Variants in NHSL1 observed in about 807,000 individuals in gnomAD.
NHSL1 encodes NHS-like protein 1.
In NHSL1, 48 loss-of-function variants were observed where a neutral mutation model predicts 95.0. The ratio of observed to expected loss-of-function variants is 0.51; its 90% CI spans 0.40 to 0.64. The LOEUF (loss-of-function observed/expected upper bound fraction) is 0.64, where lower values mean the gene tolerates loss of function less well. Ranked by LOEUF, NHSL1 falls within the 30% of genes least tolerant of loss-of-function variation. The pLI is 0.00. For missense variants in NHSL1, 1,971 were observed against 2,077.7 expected (o/e 0.95, Z 1.00); for synonymous variants, 783 against 833.9 (o/e 0.94, Z 1.05).
chr6:138,569,943 T>C (rs578202169), intron 1 of NHSL1, among the ~76,000 whole-genome samples: 6 of 152,294 alleles, frequency 3.9e-5, no homozygotes, highest in East Asian at 3.9e-4. Flanking sequence ...ATGAAGCTAC[T>C]GTATCCCCTA....
chr6:138,495,512 T>C (rs1780297202), intron 2 of NHSL1, among the ~76,000 whole-genome samples: 1 of 152,184 alleles, frequency 6.6e-6, no homozygotes, highest in South Asian at 2.1e-4. Flanking sequence ...ACAAATTGGT[T>C]TTGAATACTT....
At chr6:138,526,239 T>C (rs1466374736) in intron 1 of NHSL1, among the ~76,000 whole-genome samples, 1 of 152,106 alleles carries the variant, frequency 6.6e-6, no homozygotes, top group Admixed American at 6.5e-5. Context: ...TCCCAGCACT[T>C]TGGGAGGCTG....
rs146902007 is a variant in NHSL1 at position 138,441,824 on chromosome 6, A to G, written c.664+159T>C. Among the ~76,000 whole-genome samples the G allele has an allele frequency of 4.6e-5, 7 of 152,330 alleles. No individual in the cohort carries two copies. In the East Asian group the frequency reaches 1.2e-3, roughly 25 times the overall value. The stretch of plus-strand genomic sequence containing the variant: ...AACTCTCTCTCTCCATGGGATGTTA[A>G]GATTTGCACCTAATGCCTCATTCAG... On this transcript the variant is annotated intron_variant, in intron 5 of 7. Transcript: ENST00000343505.
intron 2 of NHSL1, among the ~76,000 whole-genome samples, chr6:138,495,142 C>T (rs1238291791): frequency 6.6e-6 from 1 of 152,130 alleles, no homozygotes; most frequent in Non-Finnish European, 1.5e-5. Context: ...ACTCAGAAGG[C>T]TGAGGCAGGA....
intron 1 of NHSL1, among the ~76,000 whole-genome samples, chr6:138,681,807 G>C (rs1296102779): frequency 6.6e-6 from 1 of 152,034 alleles, no homozygotes; most frequent in African/African-American, 2.4e-5. Context: ...TTCACCATGT[G>C]TTATTGTAAT....
rs1775880245 is a variant in NHSL1, at chr6:138,433,756, G to C, written c.665-76C>G. Reference sequence around the variant, plus strand: ...TCATCACGTGTACCCTCACCCCTCTGACAGAATTTTAAAAAAATTTTTCTA... The same window carrying C: ...TCATCACGTGTACCCTCACCCCTCTCACAGAATTTTAAAAAAATTTTTCTA... On this transcript the variant is annotated intron_variant, in intron 5 of 7. Coordinates refer to ENST00000343505, the MANE Select transcript of NHSL1 (RefSeq NM_001144060.2). The C allele has an allele frequency of 8.7e-6, 12 of 1,378,100 alleles. No homozygotes were observed. The South Asian group carries it at 2.1e-4, about 24-fold the overall frequency. The allele number at this position is 1,378,100 out of a possible 1,614,324, so 85.4% of individuals were successfully genotyped here.
At chr6:138,677,308 TCTC>T (rs771738507) in intron 1 of NHSL1, among the ~76,000 whole-genome samples, 5 of 152,272 alleles carry the variant, frequency 3.3e-5, no homozygotes, top group South Asian at 4.2e-4. Context: ...CATAATCCTC[TCTC>T]CTCCAATTTT....
chr6:138,634,472 A>G (rs1784862528), intron 1 of NHSL1, among the ~76,000 whole-genome samples: 1 of 152,230 alleles, frequency 6.6e-6, no homozygotes, highest in Non-Finnish European at 1.5e-5. Flanking sequence ...GAAGGTCACC[A>G]TATAATGATA....
At chr6:138,638,405 G>A (rs1784916230) in intron 1 of NHSL1, among the ~76,000 whole-genome samples, 1 of 152,132 alleles carries the variant, frequency 6.6e-6, no homozygotes, top group Non-Finnish European at 1.5e-5. Flanking sequence ...TTTCTATGAT[G>A]TGATTATTAT....
intron 1 of NHSL1, among the ~76,000 whole-genome samples, chr6:138,651,950 T>C (rs1433220973): frequency 1.3e-5 from 2 of 152,214 alleles, no homozygotes; most frequent in Non-Finnish European, 2.9e-5. Context: ...GTATACTCAA[T>C]GTTAATACTG....
At chr6:138,690,694 T>C (rs982726632) in intron 1 of NHSL1, among the ~76,000 whole-genome samples, 1 of 152,106 alleles carries the variant, frequency 6.6e-6, no homozygotes, top group African/African-American at 2.4e-5. Flanking sequence ...TGAGCTGAGA[T>C]TGCACCACAG....
At chr6:138,439,690 T>C (rs1464580385) in intron 5 of NHSL1, among the ~76,000 whole-genome samples, 1 of 152,212 alleles carries the variant, frequency 6.6e-6, no homozygotes, top group Non-Finnish European at 1.5e-5. Context: ...TTAGATACGG[T>C]TGTCTCAGTT....
chr6:138,553,135 T>C (rs752151210), intron 1 of NHSL1, among the ~76,000 whole-genome samples: 10 of 152,210 alleles, frequency 6.6e-5, no homozygotes, highest in Non-Finnish European at 2.9e-5. Flanking sequence ...AAATTCCTCA[T>C]GTAGCAAATA....
At chr6:138,485,657 G>A (rs1429791244) in intron 2 of NHSL1, among the ~76,000 whole-genome samples, 1 of 152,052 alleles carries the variant, frequency 6.6e-6, no homozygotes, top group East Asian at 1.9e-4. Context: ...AAATTCAATA[G>A]GAGAAGTTAA....
chr6:138,431,927 C>A lies in NHSL1; in HGVS notation c.2418G>T (p.Val806=). Residue 806 remains valine (V), a synonymous_variant, in exon 6 of 8, where the codon GTG becomes GTT. Transcript: ENST00000343505. The surrounding 1 kb of genome is among the most constrained non-coding windows in gnomAD (Gnocchi z 4.0). ...GGCGGACTGGCCCGTTCCCAGTGGG[C>A]ACCCCACTGCTGGTTGAACAGCCCC... The part of the protein sequence containing the change: ...PAGGCSTSSG[V]PTGNGPVRHV... 6.4e-7 allele frequency: 1 copy of A among 1,551,680 alleles called. No homozygotes were observed. The highest frequency in any genetic ancestry group is 1.2e-5 in the South Asian group (1 of 84,064).
intron 1 of NHSL1, among the ~76,000 whole-genome samples, chr6:138,670,237 A>G (rs1562408205): frequency 6.6e-6 from 1 of 152,264 alleles, no homozygotes; most frequent in South Asian, 2.1e-4. Flanking sequence ...AGACCTTCCA[A>G]GCAGCCTTTG....
chr6:138,639,074 C>T (rs867358313), intron 1 of NHSL1, among the ~76,000 whole-genome samples: 1 of 152,164 alleles, frequency 6.6e-6, no homozygotes, highest in South Asian at 2.1e-4. Flanking sequence ...ATCAGAATTA[C>T]TTGATTTGTT....
chr6:138,671,281 AC>A (rs1285555195), intron 1 of NHSL1, among the ~76,000 whole-genome samples: 2 of 151,462 alleles, frequency 1.3e-5, no homozygotes, highest in African/African-American at 4.9e-5. Context: ...ACATGGTGAA[AC>A]CCCGTCTCTA....
chr6:138,468,485 A>G (rs969574000), intron 3 of NHSL1, among the ~76,000 whole-genome samples: 3 of 152,200 alleles, frequency 2.0e-5, no homozygotes, highest in Non-Finnish European at 4.4e-5. Flanking sequence ...GCCTCCTGTC[A>G]GATCAGCGGC....
Sources: gnomAD v4.1 joint callset for allele counts (sites outside exome capture counted in the v4.1 genomes callset) on GRCh38, gnomAD v4.1.1 for gene constraint, Gnocchi (gnomAD v3.1) non-coding constraint, MANE v1.5 for transcripts, NCBI Gene and HGNC (gene_info 2026-07-23, HGNC 2026-07-21) for gene names.